SNX9: variants seen among roughly 807,000 people sequenced by gnomAD.
SNX9 encodes sorting nexin 9, also known as sorting nexin-9.
SNX9 carries 44 observed loss-of-function variants against 89.4 expected under a neutral mutation model. The observed-to-expected ratio is 0.49, with a 90% confidence interval of 0.39 to 0.63. The LOEUF (loss-of-function observed/expected upper bound fraction) is 0.63, where lower values mean the gene tolerates loss of function less well. Ranked by LOEUF, SNX9 falls within the 30% of genes least tolerant of loss-of-function variation. SNX9 has a pLI of 0.00. For synonymous variants in SNX9, 236 were observed against 247.8 expected (o/e 0.95, Z 0.45); for missense variants, 578 against 736.1 (o/e 0.79, Z 2.49).
rs533243758 is a variant in SNX9, at chr6:157,906,317, A to G, written c.705+105A>G. The G allele has an allele frequency of 4.1e-5, 34 of 834,586 alleles. No homozygotes were observed. The African/African-American group carries it at 5.7e-4, about 14-fold the overall frequency. 51.7% of individuals were successfully genotyped at this position (834,586 alleles called of 1,614,324 possible). On this transcript the variant is annotated intron_variant, in intron 7 of 17. Transcript: ENST00000392185. ...CATCTTTTGGAAAGTATTTTTAAATATATTTAATGCCCCACATAACTGATA... is the reference window on the plus strand; with the variant it reads ...CATCTTTTGGAAAGTATTTTTAAATGTATTTAATGCCCCACATAACTGATA...
chr6:157,872,063 G>A (rs1782424432), intron 2 of SNX9, among the ~76,000 whole-genome samples: 1 of 152,060 alleles, frequency 6.6e-6, no homozygotes, highest in South Asian at 2.1e-4. Context: ...TTAAGAGAAT[G>A]TGATTATTCA....
intron 1 of SNX9, among the ~76,000 whole-genome samples, chr6:157,847,416 T>A (rs1781825844): frequency 6.6e-6 from 1 of 152,178 alleles, no homozygotes. Context: ...TAGTACTTAT[T>A]TTAAAAAGAC....
intron 5 of SNX9, among the ~76,000 whole-genome samples, chr6:157,899,545 G>A (rs1783050058): frequency 6.6e-6 from 1 of 152,142 alleles, no homozygotes; most frequent in Non-Finnish European, 1.5e-5. Context: ...GGCCGAGGCA[G>A]GCGGATCACA....
chr6:157,944,949 C>G lies in SNX9; in HGVS notation c.*2111C>G, dbSNP rs924353093. On this transcript the variant is annotated 3_prime_UTR_variant, in exon 18 of 18. Coordinates refer to ENST00000392185, the MANE Select transcript of SNX9 (RefSeq NM_016224.5). ...GCAACATGGCATATATATCCTTCTC[C>G]GGGGAGTCACATGCACCATTTGGTT... 1.3e-5 allele frequency: 2 copies of G among 152,128 alleles called. No homozygotes were observed. The highest frequency in any genetic ancestry group is 4.8e-5 in the African/African-American group (2 of 41,388). 9.4% of individuals were successfully genotyped at this position (152,128 alleles called of 1,614,324 possible).
chr6:157,835,369 G>A (rs1413635709), intron 1 of SNX9, among the ~76,000 whole-genome samples: 1 of 150,252 alleles, frequency 6.7e-6, no homozygotes, highest in Non-Finnish European at 1.5e-5. Flanking sequence ...ACTATATAAT[G>A]ACCAAAAGCA....
At chr6:157,939,894 C>A (rs927712918) in intron 16 of SNX9, among the ~76,000 whole-genome samples, 2 of 151,180 alleles carry the variant, frequency 1.3e-5, no homozygotes, top group African/African-American at 4.9e-5. Context: ...TGGGAGAAGG[C>A]GGCATAGGAG....
At chr6:157,898,052 C>G (rs982119817) in intron 5 of SNX9, among the ~76,000 whole-genome samples, 1 of 152,210 alleles carries the variant, frequency 6.6e-6, no homozygotes, top group African/African-American at 2.4e-5. Context: ...ACAAAAGATA[C>G]ACCTTGCACA....
chr6:157,851,879 G>A lies in SNX9; in HGVS notation c.13-15668G>A, dbSNP rs557697204. On this transcript the variant is annotated intron_variant, in intron 1 of 17. Transcript: ENST00000392185. ...GCTGGGATTACAGGTCTGAGCCACC[G>A]TGCCCGGCCTGTTTGTCCTTTTGTG... is the stretch of plus-strand genomic sequence containing the variant. Among the ~76,000 whole-genome samples, 13 of 152,244 alleles carry A rather than the reference G, an allele frequency of 8.5e-5. No homozygotes were observed. The East Asian group carries it at 1.9e-3, about 23-fold the overall frequency.
chr6:157,880,493 T>C (rs951134442), intron 4 of SNX9, among the ~76,000 whole-genome samples: 4 of 152,202 alleles, frequency 2.6e-5, no homozygotes, highest in Non-Finnish European at 5.9e-5. Flanking sequence ...TCAGCATGTC[T>C]CCTTTGTATC....
intron 4 of SNX9, among the ~76,000 whole-genome samples, chr6:157,888,549 T>C (rs925508319): frequency 5.9e-5 from 9 of 152,234 alleles, no homozygotes; most frequent in Admixed American, 2.0e-4. Context: ...TCTTGTTCAC[T>C]GGGCACCTTT....
chr6:157,841,796 A>G (rs1781709334), intron 1 of SNX9, among the ~76,000 whole-genome samples: 1 of 152,220 alleles, frequency 6.6e-6, no homozygotes, highest in Non-Finnish European at 1.5e-5. Context: ...AATGATAAGA[A>G]TTTACTACAC....
chr6:157,894,168 G>T (rs1267868291), intron 4 of SNX9, among the ~76,000 whole-genome samples: 1 of 133,366 alleles, frequency 7.5e-6, no homozygotes, highest in Non-Finnish European at 1.5e-5. Context: ...GGAGTGCAGT[G>T]GCGTGATCTC....
intron 1 of SNX9, among the ~76,000 whole-genome samples, chr6:157,864,238 A>G (rs1208546948): frequency 6.6e-6 from 1 of 151,932 alleles, no homozygotes; most frequent in Admixed American, 6.6e-5. Flanking sequence ...GAGTAAACCC[A>G]CTCCCACGAG....
chr6:157,849,942 G>A (rs1474913043), intron 1 of SNX9, among the ~76,000 whole-genome samples: 2 of 152,212 alleles, frequency 1.3e-5, no homozygotes, highest in Non-Finnish European at 2.9e-5. Context: ...TATAAAGATG[G>A]CAGGTGACGT....
At chr6:157,864,293 C>T (rs554703687) in intron 1 of SNX9, among the ~76,000 whole-genome samples, 3 of 152,226 alleles carry the variant, frequency 2.0e-5, no homozygotes, top group East Asian at 1.9e-4. Flanking sequence ...ACAAAGCCTC[C>T]GTGACCTAAA....
chr6:157,899,111 G>A (rs961091285), intron 5 of SNX9, among the ~76,000 whole-genome samples: 1 of 152,194 alleles, frequency 6.6e-6, no homozygotes, highest in East Asian at 1.9e-4. Context: ...AGAGCCCACA[G>A]GGGAGGAAGG....
intron 1 of SNX9, among the ~76,000 whole-genome samples, chr6:157,858,465 G>A (rs867510112): frequency 1.3e-4 from 19 of 151,898 alleles, no homozygotes; most frequent in African/African-American, 3.4e-4. Flanking sequence ...CACGTGATCC[G>A]CCTGTTTCGA....
At chr6:157,917,608 A>G (rs78868861) in intron 9 of SNX9, among the ~76,000 whole-genome samples, 3,825 of 152,238 alleles carry the variant, frequency 0.025, 78 homozygotes, top group Non-Finnish European at 0.041. Flanking sequence ...AACCTCCCAC[A>G]GATACCAAAA....
intron 9 of SNX9, among the ~76,000 whole-genome samples, chr6:157,913,978 T>G (rs886571007): frequency 6.6e-6 from 1 of 152,068 alleles, no homozygotes; most frequent in African/African-American, 2.4e-5. Flanking sequence ...TTTGTATGAA[T>G]GTAAGTTTTC....
Sources: gnomAD v4.1 joint callset for allele counts (sites outside exome capture counted in the v4.1 genomes callset) on GRCh38, gnomAD v4.1.1 for gene constraint, MANE v1.5 for transcripts, NCBI Gene and HGNC (gene_info 2026-07-23, HGNC 2026-07-21) for gene names.